The following NUP93 variants were observed in gnomAD, a reference collection of about 807,000 sequenced individuals.
NUP93 encodes nucleoporin 93.
NUP93 carries 55 observed loss-of-function variants against 107.8 expected under a neutral mutation model. That is an observed-to-expected ratio of 0.51 (90% CI 0.41 to 0.64). The LOEUF (loss-of-function observed/expected upper bound fraction) is 0.64, where lower values mean the gene tolerates loss of function less well. NUP93 is among the 30% of genes least tolerant of loss of function. NUP93 has a pLI of 0.00. For synonymous variants in NUP93, 390 were observed against 397.5 expected, an observed-to-expected ratio of 0.98 and a Z score of 0.22; for missense variants, 937 against 1,044.7, an observed-to-expected ratio of 0.90 and a Z score of 1.42.
chr16:56,823,831 C>T lies in NUP93; in HGVS notation c.779C>T (p.Ala260Val), dbSNP rs953423356. The T allele has an allele frequency of 5.0e-6, 8 of 1,613,764 alleles. No homozygotes were observed. Among genetic ancestry groups the T allele is most frequent in the Non-Finnish European group, 6.8e-6 (8 of 1,179,980 alleles). Reference sequence around the variant, plus strand: ...ATGGAGTTTGTCAGGCAGGCCTTGGCGTACCTTGAGCAGAGGTAAGGCAGC... The same window carrying T: ...ATGGAGTTTGTCAGGCAGGCCTTGGTGTACCTTGAGCAGAGGTAAGGCAGC... ...VRMEFVRQALAYLEQSYKNYT... is the reference protein window; with the variant it reads ...VRMEFVRQALVYLEQSYKNYT... The change falls in exon 8 of 22, where the codon GCG (alanine) becomes GTG (valine). Residue 260 changes from alanine to valine, a missense_variant. Transcript: ENST00000308159.
chr16:56,834,486 G>C, intron 15 of NUP93, 44 bp downstream of exon 15: 3 of 1,587,502 alleles, frequency 1.9e-6, no homozygotes, highest in Non-Finnish European at 2.6e-6. Flanking sequence ...TTTTCAGTGT[G>C]CATGTCCCAT....
intron 5 of NUP93, among the ~76,000 whole-genome samples, chr16:56,812,834 C>A (rs1233565219): frequency 6.6e-6 from 1 of 152,138 alleles, no homozygotes. Flanking sequence ...AAATGAGACC[C>A]CTGGCTACGA....
rs1961519115 is a variant in NUP93 at position 56,730,654 on chromosome 16, A to C, written c.-15+443A>C. Among the ~76,000 whole-genome samples the C allele has an allele frequency of 5.9e-5, 9 of 152,064 alleles. No individual in the cohort carries two copies. The South Asian group carries it at 1.7e-3, about 28-fold the overall frequency. ...GTAGGGAGGCGTTGCTCTGCGAGGGAAGGGGTCTTTGGGGCGAGGGGAACT... is the reference window on the plus strand; with the variant it reads ...GTAGGGAGGCGTTGCTCTGCGAGGGCAGGGGTCTTTGGGGCGAGGGGAACT... On this transcript the variant is annotated intron_variant, in intron 1 of 21. Transcript: ENST00000308159.
intron 3 of NUP93, among the ~76,000 whole-genome samples, chr16:56,773,358 G>A (rs143657489): frequency 6.6e-6 from 1 of 152,360 alleles, no homozygotes; most frequent in East Asian, 1.9e-4. Flanking sequence ...CAGTGTTATG[G>A]GATGGGGTTT....
intron 1 of NUP93, among the ~76,000 whole-genome samples, chr16:56,744,210 T>A (rs542385482): frequency 6.6e-6 from 1 of 152,356 alleles, no homozygotes; most frequent in South Asian, 2.1e-4. Context: ...TGGCTTGGAC[T>A]TCAATTTTTT....
At chr16:56,797,062 C>T (rs1001047812) in intron 3 of NUP93, among the ~76,000 whole-genome samples, 1 of 152,008 alleles carries the variant, frequency 6.6e-6, no homozygotes, top group East Asian at 1.9e-4. Flanking sequence ...GTTGAGCCAA[C>T]GTGTTGGCCT....
chr16:56,768,866 CAA>C (rs10674596), intron 3 of NUP93, among the ~76,000 whole-genome samples: 1 of 135,548 alleles, frequency 7.4e-6, no homozygotes, highest in Admixed American at 7.3e-5. Context: ...GACTCTGTCT[CAA>C]AAAAAAAAAA....
chr16:56,756,294 T>TTCCC (rs1962018126), intron 2 of NUP93, among the ~76,000 whole-genome samples: 1 of 56,390 alleles, frequency 1.8e-5, no homozygotes, highest in Non-Finnish European at 3.5e-5. Context: ...TCTCTCTCCT[T>TTCCC]GCCCCCCCCC....
chr16:56,753,335 A>G (rs1246661541), intron 2 of NUP93, among the ~76,000 whole-genome samples: 1 of 152,236 alleles, frequency 6.6e-6, no homozygotes, highest in Non-Finnish European at 1.5e-5. Context: ...ATCTAGCCAT[A>G]AAAATAGTGG....
intron 16 of NUP93, among the ~76,000 whole-genome samples, chr16:56,836,364 C>T (rs1261948596): frequency 6.6e-6 from 1 of 152,190 alleles, no homozygotes; most frequent in Non-Finnish European, 1.5e-5. Flanking sequence ...GCTGACTCCT[C>T]TGTGCTTCTA....
intron 3 of NUP93, among the ~76,000 whole-genome samples, chr16:56,787,093 C>T (rs1202308514): frequency 6.6e-6 from 1 of 152,164 alleles, no homozygotes; most frequent in East Asian, 1.9e-4. Context: ...TGTGAAATCA[C>T]CAATACTGTT....
intron 5 of NUP93, among the ~76,000 whole-genome samples, chr16:56,811,997 AT>A (rs1567400789): frequency 6.6e-6 from 1 of 152,116 alleles, no homozygotes; most frequent in East Asian, 1.9e-4. Flanking sequence ...AATCAAAAAA[AT>A]CTTTGCATAT....
At chr16:56,771,424 T>C (rs1962320164) in intron 3 of NUP93, among the ~76,000 whole-genome samples, 1 of 152,176 alleles carries the variant, frequency 6.6e-6, no homozygotes, top group African/African-American at 2.4e-5. Flanking sequence ...GAGGAAGGCA[T>C]CAAGTGATGG....
chr16:56,740,019 C>T (rs1202099983), intron 1 of NUP93, among the ~76,000 whole-genome samples: 5 of 35,736 alleles, frequency 1.4e-4, no homozygotes, highest in African/African-American at 4.0e-4. Flanking sequence ...CCAGTAGGGG[C>T]GGCGGGGCAG....
At chr16:56,840,921 C>T (rs1049613006) in intron 20 of NUP93, among the ~76,000 whole-genome samples, 2 of 151,170 alleles carry the variant, frequency 1.3e-5, no homozygotes, top group African/African-American at 4.9e-5. Context: ...CGCTTGAACC[C>T]GGGAAGCAAA....
chr16:56,768,866 C>CAA (rs10674596), intron 3 of NUP93, among the ~76,000 whole-genome samples: 9,323 of 135,498 alleles, frequency 0.069, 382 homozygotes, highest in Middle Eastern at 0.13. Flanking sequence ...GACTCTGTCT[C>CAA]AAAAAAAAAA....
At chr16:56,778,605 A>G (rs1962457689) in intron 3 of NUP93, among the ~76,000 whole-genome samples, 1 of 152,208 alleles carries the variant, frequency 6.6e-6, no homozygotes, top group African/African-American at 2.4e-5. Flanking sequence ...GGGATAAAAC[A>G]TCTGCCACAT....
At chr16:56,785,162 C>A (rs1567387300) in intron 3 of NUP93, among the ~76,000 whole-genome samples, 1 of 152,196 alleles carries the variant, frequency 6.6e-6, no homozygotes, top group African/African-American at 2.4e-5. Flanking sequence ...CAAATTAGAA[C>A]TCCATTTTAA....
chr16:56,819,149 G>A (rs558160424), intron 6 of NUP93, among the ~76,000 whole-genome samples: 10 of 152,256 alleles, frequency 6.6e-5, no homozygotes, highest in Admixed American at 4.6e-4. Flanking sequence ...GTCTTAATAA[G>A]CATAGTGTAT....
Sources: allele counts gnomAD v4.1 joint callset (sites outside exome capture counted in the v4.1 genomes callset), GRCh38; gene constraint gnomAD v4.1.1; transcripts MANE v1.5; gene names NCBI Gene and HGNC (gene_info 2026-07-23, HGNC 2026-07-21).